Variants in SYNE2 observed in about 807,000 individuals in gnomAD.
SYNE2 encodes the protein spectrin repeat containing nuclear envelope protein 2, also known as nesprin-2.
Under a neutral mutation model 856.3 loss-of-function variants are expected in SYNE2, and 431 were observed. The observed-to-expected ratio is 0.50, with a 90% CI of 0.47 to 0.55. The LOEUF (loss-of-function observed/expected upper bound fraction) is 0.55, where lower values mean the gene tolerates loss of function less well. Ranked by LOEUF, SYNE2 falls within the 20% of genes least tolerant of loss-of-function variation. SYNE2 has a pLI of 0.00. For synonymous variants in SYNE2, 2,923 were observed against 2,872.3 expected (o/e 1.02, Z -0.56); for missense variants, 8,129 against 8,023.2 (o/e 1.01, Z -0.50).
intron 1 of SYNE2, among the ~76,000 whole-genome samples, chr14:63,767,742 C>T (rs1471812825): frequency 1.3e-5 from 2 of 152,180 alleles, no homozygotes; most frequent in African/African-American, 2.4e-5. Flanking sequence ...CTATCACCCT[C>T]ATATTCTATC....
intron 45 of SYNE2, among the ~76,000 whole-genome samples, chr14:64,034,097 TA>T (rs1333212655): frequency 6.6e-6 from 1 of 152,224 alleles, no homozygotes; most frequent in Non-Finnish European, 1.5e-5. Context: ...ATGCTTAGAC[TA>T]ATAAAGTACA....
intron 1 of SYNE2, among the ~76,000 whole-genome samples, chr14:63,801,184 A>G (rs1888114323): frequency 6.6e-6 from 1 of 152,216 alleles, no homozygotes; most frequent in South Asian, 2.1e-4. Flanking sequence ...GATATGACAC[A>G]TGCTACACAG....
At chr14:63,822,545 C>A (rs1393527869) in intron 1 of SYNE2, among the ~76,000 whole-genome samples, 1 of 152,144 alleles carries the variant, frequency 6.6e-6, no homozygotes, top group Non-Finnish European at 1.5e-5. Context: ...GGTGACCCAC[C>A]TTGTTACCCA....
intron 50 of SYNE2, among the ~76,000 whole-genome samples, chr14:64,064,291 C>T (rs965484417): frequency 2.0e-5 from 3 of 152,144 alleles, no homozygotes; most frequent in Admixed American, 1.3e-4. Flanking sequence ...GGAACATATA[C>T]AGCATGATGT....
At chr14:64,084,973 G>C in intron 57 of SYNE2, 1 of 702,292 alleles carries the variant, frequency 1.4e-6, no homozygotes, top group Non-Finnish European at 2.6e-6. Context: ...ACAGACACGT[G>C]GGCTCCTCCA....
At chr14:64,115,293 G>A (rs1595617643) in intron 66 of SYNE2, among the ~76,000 whole-genome samples, 2 of 152,258 alleles carry the variant, frequency 1.3e-5, no homozygotes, top group East Asian at 3.9e-4. Flanking sequence ...GCAAGATTAT[G>A]ATCGTGAGAG....
chr14:64,088,760 A>T (rs1170126135), intron 58 of SYNE2, among the ~76,000 whole-genome samples: 1 of 152,164 alleles, frequency 6.6e-6, no homozygotes, highest in African/African-American at 2.4e-5. Context: ...AGAGTCACAT[A>T]GTAGAGGCAA....
rs747573190 is a variant in SYNE2, at chr14:64,119,500, A to G, written c.12914A>G (p.Asn4305Ser). 1 of 1,614,218 alleles carries G rather than the reference A, an allele frequency of 6.2e-7. No homozygotes were observed. The highest frequency in any genetic ancestry group is 8.5e-7 in the Non-Finnish European group (1 of 1,180,040). The change falls in exon 67 of 116, where the codon AAT becomes AGT. Residue 4305 changes from asparagine (N) to serine (S), a missense_variant. This residue lies in a region of SYNE2 where 5,410 missense variants were observed against 5,284.8 expected (regional missense o/e 1.02). Transcript: ENST00000555002. Reference sequence around the variant, plus strand: ...TGCAAAGATCAGGGCCTGGGAGATAATGGAGCCACTCAACATGAGGCTGAA... The same window carrying G: ...TGCAAAGATCAGGGCCTGGGAGATAGTGGAGCCACTCAACATGAGGCTGAA... The part of the protein sequence containing the change: ...ETCKDQGLGD[N>S]GATQHEAEAL...
intron 66 of SYNE2, among the ~76,000 whole-genome samples, chr14:64,116,673 C>T (rs2097855882): frequency 6.6e-6 from 1 of 152,182 alleles, no homozygotes. Context: ...GCCTTGGCCT[C>T]CCAAAGTGCC....
chr14:63,942,859 G>A (rs1008246843), intron 6 of SYNE2, among the ~76,000 whole-genome samples: 7 of 152,130 alleles, frequency 4.6e-5, no homozygotes, highest in African/African-American at 1.7e-4. Context: ...TCACATTCCT[G>A]ACCTCAGGTG....
chr14:64,183,497 C>G (rs2098471997), intron 96 of SYNE2, among the ~76,000 whole-genome samples: 1 of 152,180 alleles, frequency 6.6e-6, no homozygotes, highest in Non-Finnish European at 1.5e-5. Context: ...AGACGCTCCT[C>G]ACTTCCCAGA....
At chr14:64,210,361 G>A (rs761449486) in intron 103 of SYNE2, among the ~76,000 whole-genome samples, 11 of 152,206 alleles carry the variant, frequency 7.2e-5, no homozygotes, top group South Asian at 2.1e-4. Flanking sequence ...CGTTACCAAC[G>A]CACAGCTCTT....
chr14:63,807,341 CAAAAAAAAAA>C (rs574264237), intron 1 of SYNE2, among the ~76,000 whole-genome samples: 1 of 86,658 alleles, frequency 1.2e-5, no homozygotes, highest in Admixed American at 1.3e-4. Flanking sequence ...GACCCTGTCT[CAAAAAAAAAA>C]AAAAAAAAGT....
chr14:64,165,242 T>C (rs2153720959), intron 89 of SYNE2, 43 bp from the exon 90 acceptor site: 2 of 1,599,718 alleles, frequency 1.3e-6, no homozygotes, highest in South Asian at 2.2e-5. Context: ...CTGTTTTATA[T>C]GTACATGAAA....
In SYNE2 at chr14:63,982,612, T is replaced by TG. The variant is rs757709242; in HGVS notation, c.1837-17dup. On this transcript the variant is annotated splice_polypyrimidine_tract_variant and intron_variant, in intron 16 of 115. Transcript: ENST00000555002. ...ATATCGTGTCATTAAGATAGTGTGT[T>TG]GCTTGTGTATCATGTAGGTACCCTT... 2 of 1,612,686 alleles carry TG rather than the reference T, an allele frequency of 1.2e-6. No homozygotes were observed. Among genetic ancestry groups the TG allele is most frequent in the African/African-American group, 2.7e-5 (2 of 74,890 alleles).
intron 1 of SYNE2, among the ~76,000 whole-genome samples, chr14:63,785,534 A>C (rs1446308034): frequency 6.6e-6 from 1 of 152,172 alleles, no homozygotes; most frequent in Non-Finnish European, 1.5e-5. Flanking sequence ...ATTAACTCCC[A>C]GTTACAATTT....
At chr14:63,982,421 CA>C (rs1424747801) in intron 16 of SYNE2, among the ~76,000 whole-genome samples, 2 of 146,108 alleles carry the variant, frequency 1.4e-5, no homozygotes, top group African/African-American at 5.1e-5. Context: ...TCAGTCTCTG[CA>C]AAGAATGTTG....
rs2097455942 is a variant in SYNE2 at position 64,076,040 on chromosome 14, T to C, written c.10962T>C (p.Pro3654=). 6.2e-7 allele frequency: 1 copy of C among 1,613,854 alleles called. No homozygotes were observed. The highest frequency in any genetic ancestry group is 1.3e-5 in the African/African-American group (1 of 74,936). ...ATTCCGAAATGTACACCATAGTCCC[T>C]GCAGAGATTGAATCCCAGGTGGAAG... ...IKYSEMYTIV[P]AEIESQVEEC... Residue 3654 remains proline, a synonymous_variant, in exon 54 of 116, where the codon CCT becomes CCC. Transcript: ENST00000555002.
chr14:64,051,245 TG>T (rs1444315498), intron 47 of SYNE2, among the ~76,000 whole-genome samples: 2 of 152,142 alleles, frequency 1.3e-5, no homozygotes, highest in Non-Finnish European at 2.9e-5. Context: ...AATATTTTTA[TG>T]TACATTCTTC....
Sources: allele counts gnomAD v4.1 joint callset (sites outside exome capture counted in the v4.1 genomes callset), GRCh38; gene constraint gnomAD v4.1.1; regional missense constraint gnomAD v4.1.1; transcripts MANE v1.5; gene names NCBI Gene and HGNC (gene_info 2026-07-23, HGNC 2026-07-21).